The following ASB15 variants were observed in gnomAD, a reference collection of about 807,000 sequenced individuals.
The protein encoded by ASB15 is ankyrin repeat and SOCS box containing 15.
ASB15 carries 54 observed loss-of-function variants against 58.0 expected under a neutral mutation model. The ratio of observed to expected loss-of-function variants is 0.93; its 90% CI spans 0.75 to 1.17. The LOEUF (loss-of-function observed/expected upper bound fraction) is 1.17. Ranked by LOEUF, ASB15 falls within the 50% of genes most tolerant of loss-of-function variation. ASB15 has a pLI of 0.00. For synonymous variants in ASB15, 249 were observed against 262.4 expected (o/e 0.95, Z 0.50); for missense variants, 680 against 707.4 (o/e 0.96, Z 0.44).
intron 1 of ASB15, among the ~76,000 whole-genome samples, chr7:123,603,114 T>C (rs984299714): frequency 6.6e-6 from 1 of 152,198 alleles, no homozygotes; most frequent in South Asian, 2.1e-4. Context: ...AGACTTGCTA[T>C]GCTATGTGCT....
At position 123,637,878 on chromosome 7, in the gene ASB15, T is replaced by TAAAAAAAAAAAAAAAATAAAA. The variant is rs1802501359; in HGVS notation, c.*913_*914insTAAAAAAAAAAAAAAAAAAAA. 3.8e-5 allele frequency: 2 copies of TAAAAAAAAAAAAAAAATAAAA among 52,468 alleles called. 1 individual carries two copies. The highest frequency in any genetic ancestry group is 5.0e-4 in the Admixed American group (2 of 4,032). The allele number at this position is 52,468 out of a possible 1,614,324, so 3.3% of individuals were successfully genotyped here. A position where few individuals can be genotyped will look rare whatever the true frequency, so the allele number is the denominator to read the frequency against. ...AAATTCAACATGTCCCCAGATGAAC[T>TAAAAAAAAAAAAAAAATAAAA]AAAAAAAAAAAAAAAAAAAAAACCT... On this transcript the variant is annotated 3_prime_UTR_variant, in exon 12 of 12. Coordinates refer to ENST00000451215, the MANE Select transcript of ASB15 (RefSeq NM_001290258.2).
intron 1 of ASB15, among the ~76,000 whole-genome samples, chr7:123,596,168 TG>T (rs34548545): frequency 0.3 from 44,850 of 151,652 alleles, 6,754 homozygotes; most frequent in East Asian, 0.4. Flanking sequence ...CCTCTTATAT[TG>T]GAAAAAAAAA....
At chr7:123,617,557 A>G (rs370687850) in intron 6 of ASB15, 22 bp from the exon 7 acceptor site, 7 of 1,587,210 alleles carry the variant, frequency 4.4e-6, no homozygotes, top group Non-Finnish European at 6.0e-6. Context: ...CAACTTTTCA[A>G]CATAATGCTT....
intron 2 of ASB15, among the ~76,000 whole-genome samples, chr7:123,608,005 A>G (rs1180900072): frequency 1.3e-5 from 2 of 152,204 alleles, no homozygotes; most frequent in African/African-American, 4.8e-5. Flanking sequence ...AGTCCTCAAA[A>G]GCTAACATGC....
chr7:123,630,691 A>G (rs1441419075), intron 11 of ASB15, among the ~76,000 whole-genome samples: 1 of 152,174 alleles, frequency 6.6e-6, no homozygotes, highest in Non-Finnish European at 1.5e-5. Context: ...TAAATAATGC[A>G]AATACAAATA....
intron 8 of ASB15, among the ~76,000 whole-genome samples, chr7:123,625,844 A>G (rs182775772): frequency 1.2e-3 from 185 of 152,324 alleles, no homozygotes; most frequent in African/African-American, 4.1e-3. Context: ...GATTCCCTGT[A>G]GGAAAAAGAC....
At chr7:123,590,963 CTTTTA>C (rs1023627645) in intron 1 of ASB15, among the ~76,000 whole-genome samples, 265 of 152,228 alleles carry the variant, frequency 1.7e-3, no homozygotes, top group African/African-American at 6.3e-3. Flanking sequence ...TTTGTGTCTT[CTTTTA>C]TTTTATTGAG....
chr7:123,601,492 A>C (rs1799879385), upstream of ASB15, among the ~76,000 whole-genome samples: 1 of 152,178 alleles, frequency 6.6e-6, no homozygotes, highest in Non-Finnish European at 1.5e-5. Flanking sequence ...AATATGTCAA[A>C]AGTGGATTAG....
chr7:123,630,169 G>A (rs1329813846), intron 11 of ASB15, 50 bp downstream of exon 11: 1 of 1,374,228 alleles, frequency 7.3e-7, no homozygotes, highest in Non-Finnish European at 9.9e-7. Flanking sequence ...AACTTATATG[G>A]GGGAAATTTC....
chr7:123,628,848 G>T lies in ASB15; in HGVS notation c.870-16G>T, dbSNP rs767278602. On this transcript the variant is annotated splice_polypyrimidine_tract_variant and intron_variant, in intron 9 of 11. Transcript: ENST00000451215. Reference sequence around the variant, plus strand: ...TTTTCTTTATGGCAAGTAGATATTTGACTTTTTTCTTTTAGTGCACTGAAA... The same window carrying T: ...TTTTCTTTATGGCAAGTAGATATTTTACTTTTTTCTTTTAGTGCACTGAAA... The T allele has an allele frequency of 5.5e-6, 8 of 1,454,206 alleles. No individual in the cohort carries two copies. The Admixed American group carries it at 9.5e-5, about 17-fold the overall frequency. The allele number at this position is 1,454,206 out of a possible 1,614,324, so 90.1% of individuals were successfully genotyped here.
intron 8 of ASB15, 104 bp from the exon 9 acceptor site, chr7:123,627,006 T>G: frequency 1.6e-6 from 2 of 1,230,496 alleles, no homozygotes; most frequent in Middle Eastern, 2.9e-4. Flanking sequence ...GTGCTGGGAT[T>G]ACAGGTGTGA....
chr7:123,597,917 C>CGTGTGTGTGTGT (rs61508655), upstream of ASB15, among the ~76,000 whole-genome samples: 17 of 133,072 alleles, frequency 1.3e-4, no homozygotes, highest in Middle Eastern at 4.0e-3. Flanking sequence ...TTTCAAACTT[C>CGTGTGTGTGTGT]GTGTGTGTGT....
At chr7:123,577,011 T>A (rs771041119) in intron 1 of ASB15, among the ~76,000 whole-genome samples, 15 of 152,208 alleles carry the variant, frequency 9.9e-5, no homozygotes, top group Non-Finnish European at 1.9e-4. Flanking sequence ...AGACTTCCTG[T>A]TATCTATTTT....
intron 3 of ASB15, among the ~76,000 whole-genome samples, chr7:123,611,082 C>CAAAAAAAAAAAAAAAAAAAAAAAAAA (rs34527165): frequency 1.2e-5 from 1 of 81,856 alleles, no homozygotes. Flanking sequence ...AACTCCATCT[C>CAAAAAAAAAAAAAAAAAAAAAAAAAA]AAAAAAAAAA....
intron 3 of ASB15, among the ~76,000 whole-genome samples, chr7:123,611,658 A>T (rs1348850207): frequency 1.3e-5 from 2 of 152,200 alleles, no homozygotes; most frequent in African/African-American, 4.8e-5. Context: ...TTAGATAAAG[A>T]AGTTACTCTT....
chr7:123,614,575 A>G lies in ASB15; in HGVS notation c.73A>G (p.Ile25Val). 6.2e-7 allele frequency: 1 copy of G among 1,611,354 alleles called. No individual in the cohort carries two copies. The change falls in exon 4 of 12, where the codon ATT becomes GTT. Residue 25 changes from isoleucine (I) to valine (V), a missense_variant. Physicochemically the swap from Ile to Val is conservative, Grantham distance 29 (BLOSUM62 3). Coordinates refer to ENST00000451215, the MANE Select transcript of ASB15 (RefSeq NM_001290258.2). ...YDIQLSIQES[I>V]EASKTALCPE... Reference sequence around the variant, plus strand: ...TATTCAGCTAAGTATTCAAGAATCCATTGAAGCCAGCAAGACTGCACTTTG... The same window carrying G: ...TATTCAGCTAAGTATTCAAGAATCCGTTGAAGCCAGCAAGACTGCACTTTG...
At chr7:123,600,955 G>T (rs1174366500), upstream of ASB15, among the ~76,000 whole-genome samples, 1 of 152,072 alleles carries the variant, frequency 6.6e-6, no homozygotes, top group Non-Finnish European at 1.5e-5. Flanking sequence ...AATCCAATGA[G>T]GGTTTGTAAA....
chr7:123,615,573 A>T (rs540052396), intron 4 of ASB15: 1 of 152,128 alleles, frequency 6.6e-6, no homozygotes, highest in African/African-American at 2.4e-5. Context: ...CCTTCTTTCC[A>T]CTTAACAAAC....
chr7:123,574,948 G>A (rs2116288763), intron 1 of ASB15, among the ~76,000 whole-genome samples: 1 of 151,924 alleles, frequency 6.6e-6, no homozygotes, highest in African/African-American at 2.4e-5. Flanking sequence ...AGACACATAG[G>A]GGAGAAAAAT....
Sources: gnomAD v4.1 joint callset for allele counts (sites outside exome capture counted in the v4.1 genomes callset) on GRCh38, gnomAD v4.1.1 for gene constraint, MANE v1.5 for transcripts, NCBI Gene and HGNC (gene_info 2026-07-23, HGNC 2026-07-21) for gene names.